Variants in ERCC4 observed in about 807,000 individuals in gnomAD.
ERCC4 encodes the protein DNA repair endonuclease XPF.
A neutral mutation model predicts 76.9 loss-of-function variants in ERCC4; 65 were observed. That is an observed-to-expected ratio of 0.84 (90% confidence interval 0.69 to 1.04). The LOEUF (loss-of-function observed/expected upper bound fraction) is 1.04. ERCC4 is among the 50% of genes least tolerant of loss of function. The pLI, the probability that ERCC4 is intolerant of heterozygous loss-of-function variation, is 0.00. For missense variants in ERCC4, 1,214 were observed against 1,128.2 expected, an observed-to-expected ratio of 1.08 and a Z score of -1.09; for synonymous variants, 463 against 410.1, an observed-to-expected ratio of 1.13 and a Z score of -1.56.
rs1294125274 is a variant in ERCC4 at position 13,951,404 on chromosome 16, A to C, written c.*3057A>C. The C allele has an allele frequency of 1.5e-5, 3 of 201,524 alleles. No homozygotes were observed. Among genetic ancestry groups the C allele is most frequent in the African/African-American group, 6.9e-5 (3 of 43,616 alleles). 12.5% of individuals were successfully genotyped at this position (201,524 alleles called of 1,614,324 possible). ...GGTGAACATATGAGATATTGTGAGA[A>C]ATCATTTTAAGTTTCATTTAAATCA... On this transcript the variant is annotated 3_prime_UTR_variant, in exon 11 of 11. Coordinates refer to ENST00000311895, the MANE Select transcript of ERCC4 (RefSeq NM_005236.3).
intron 5 of ERCC4, 144 bp from the exon 6 acceptor site, chr16:13,932,013 G>A (rs1297822675): frequency 3.9e-6 from 3 of 773,994 alleles, no homozygotes; most frequent in Non-Finnish European, 4.5e-6. Context: ...GCTGAACAGC[G>A]ACAGATCACA....
In ERCC4 at chr16:13,932,210, G is replaced by A. The variant is rs755219554; in HGVS notation, c.1027G>A (p.Val343Ile). ...GATGTTTATAAATGCTCGAGCAAGGGTTTATCATCTTCCAGATGCCAAAAT... is the reference window on the plus strand; with the variant it reads ...GATGTTTATAAATGCTCGAGCAAGGATTTATCATCTTCCAGATGCCAAAAT... ...TSMFINARAR[V>I]YHLPDAKMSK... Residue 343 changes from valine (V) to isoleucine (I), a missense_variant, in exon 6 of 11, where the codon GTT becomes ATT. Transcript: ENST00000311895. 6.2e-7 allele frequency: 1 copy of A among 1,612,720 alleles called. No homozygotes were observed. The highest frequency in any genetic ancestry group is 1.7e-5 in the Admixed American group (1 of 60,012).
chr16:13,943,483 C>T (rs2032453997), intron 9 of ERCC4, among the ~76,000 whole-genome samples: 1 of 152,194 alleles, frequency 6.6e-6, no homozygotes, highest in Non-Finnish European at 1.5e-5. Context: ...AACTCACTCA[C>T]TATCATGAGA....
Position 13,948,252 on chromosome 16 carries a change from A to G in ERCC4, c.2656A>G (p.Ser886Gly), listed in dbSNP as rs2032563240. 6.2e-7 allele frequency: 1 copy of G among 1,614,160 alleles called. No individual in the cohort carries two copies. The highest frequency in any genetic ancestry group is 1.3e-5 in the African/African-American group (1 of 75,058). ...LAALSQDELT[S>G]ILGNAANAKQ... ...AGCCCTGTCACAAGACGAGCTCACG[A>G]GTATTCTGGGGAATGCTGCAAATGC... The change falls in exon 11 of 11, where the codon AGT (serine) becomes GGT (glycine). Residue 886 changes from serine to glycine, a missense_variant. By Grantham distance (56) the Ser-to-Gly change is moderately conservative. Coordinates refer to ENST00000311895, the MANE Select transcript of ERCC4 (RefSeq NM_005236.3).
intron 2 of ERCC4, among the ~76,000 whole-genome samples, chr16:13,923,773 T>C (rs886966101): frequency 5.9e-5 from 9 of 152,228 alleles, no homozygotes; most frequent in African/African-American, 2.2e-4. Flanking sequence ...AAAATTGGCC[T>C]TTTGTAACCA....
At chr16:13,932,089 G>C in intron 5 of ERCC4, 68 bp from the exon 6 acceptor site, 1 of 1,356,816 alleles carries the variant, frequency 7.4e-7, no homozygotes, top group African/African-American at 1.4e-5. Context: ...TAGGTCATGT[G>C]ACCATCAGAG....
intron 5 of ERCC4, 62 bp downstream of exon 5, chr16:13,930,952 G>C: frequency 8.6e-7 from 1 of 1,164,200 alleles, no homozygotes. Context: ...TTAGGTTTTA[G>C]GGGGAATCAG....
intron 9 of ERCC4, among the ~76,000 whole-genome samples, chr16:13,938,638 A>G (rs985802035): frequency 6.6e-6 from 1 of 152,190 alleles, no homozygotes; most frequent in Non-Finnish European, 1.5e-5. Context: ...AGAAAGTTAG[A>G]TCAGCAGAGA....
At chr16:13,920,444 T>C in intron 1 of ERCC4, 72 bp downstream of exon 1, 1 of 1,330,882 alleles carries the variant, frequency 7.5e-7, no homozygotes, top group South Asian at 1.2e-5. Flanking sequence ...ATGCGAGGCC[T>C]CTGACAGGGA....
chr16:13,947,760 A>G lies in ERCC4; in HGVS notation c.2164A>G (p.Met722Val), dbSNP rs754771000. ...TGGAGATTACATCCTCACTCCAGAA[A>G]TGTGCGTGGAGCGCAAGAGTATCAG... ...EVGDYILTPE[M>V]CVERKSISDL... is the part of the protein sequence containing the mutation. The change falls in exon 11 of 11, where the codon ATG becomes GTG. Residue 722 changes from methionine (M) to valine (V), a missense_variant. Met to Val is a conservative substitution (Grantham distance 21). Coordinates refer to ENST00000311895, the MANE Select transcript of ERCC4 (RefSeq NM_005236.3). 1 of 1,614,138 alleles carries G rather than the reference A, an allele frequency of 6.2e-7. No homozygotes were observed. Among genetic ancestry groups the G allele is most frequent in the Non-Finnish European group, 8.5e-7 (1 of 1,180,008 alleles).
intron 4 of ERCC4, among the ~76,000 whole-genome samples, chr16:13,929,399 T>C (rs1244078182): frequency 6.6e-6 from 1 of 152,208 alleles, no homozygotes; most frequent in Non-Finnish European, 1.5e-5. Flanking sequence ...ATCATTTCTT[T>C]TTCCACAAGT....
intron 7 of ERCC4, 114 bp downstream of exon 7, chr16:13,934,416 G>A (rs2032242846): frequency 1.3e-6 from 1 of 761,002 alleles, no homozygotes; most frequent in African/African-American, 1.7e-5. Flanking sequence ...GTGAAACCCT[G>A]TCTCTATTTT....
intron 6 of ERCC4, 182 bp from the exon 7 acceptor site, chr16:13,934,010 C>T (rs949906119): frequency 1.8e-6 from 1 of 542,376 alleles, no homozygotes; most frequent in African/African-American, 1.9e-5. Flanking sequence ...TTTGAAGTAT[C>T]TTTCATTTAC....
chr16:13,941,928 A>G (rs1003622651), intron 9 of ERCC4, among the ~76,000 whole-genome samples: 4 of 152,234 alleles, frequency 2.6e-5, no homozygotes, highest in African/African-American at 7.2e-5. Flanking sequence ...GTATTCAAAT[A>G]ACATTGAAGA....
chr16:13,935,674 A>T lies in ERCC4; in HGVS notation c.1742A>T (p.Tyr581Phe), dbSNP rs1220137706. 1 of 1,614,186 alleles carries T rather than the reference A, an allele frequency of 6.2e-7. No individual in the cohort carries two copies. Among genetic ancestry groups the T allele is most frequent in the Admixed American group, 1.7e-5 (1 of 60,022 alleles). ...GTGGAGCCAAGATACGTGGTTCTTT[A>T]TGACGCAGAGCTAACCTTTGTTCGG... ...HEVEPRYVVL[Y>F]DAELTFVRQL... Residue 581 changes from tyrosine (Y) to phenylalanine (F), a missense_variant, in exon 8 of 11, where the codon TAT becomes TTT. Coordinates refer to ENST00000311895, the MANE Select transcript of ERCC4 (RefSeq NM_005236.3).
chr16:13,951,817 A>G lies in ERCC4; in HGVS notation c.*3470A>G. On this transcript the variant is annotated 3_prime_UTR_variant, in exon 11 of 11. Coordinates refer to ENST00000311895, the MANE Select transcript of ERCC4 (RefSeq NM_005236.3). ...ATAATTTGATTTTCCTTTGGCTCAG[A>G]AAACTCATTTGGGGAAATTCTCTTT... 4.5e-6 allele frequency: 1 copy of G among 222,974 alleles called. No homozygotes were observed. Among genetic ancestry groups the G allele is most frequent in the Non-Finnish European group, 9.0e-6 (1 of 111,706 alleles). The allele number at this position is 222,974 out of a possible 1,614,324, so 13.8% of individuals were successfully genotyped here. A position where few individuals can be genotyped will look rare whatever the true frequency, so the allele number is the denominator to read the frequency against.
rs367595904 is a variant in ERCC4, at chr16:13,935,690, C to G, written c.1758C>G (p.Thr586=). 14 of 1,614,014 alleles carry G rather than the reference C, an allele frequency of 8.7e-6. No homozygotes were observed. The highest frequency in any genetic ancestry group is 1.0e-5 in the Non-Finnish European group (12 of 1,180,032). ...RYVVLYDAEL[T]FVRQLEIYRA... is the part of the protein sequence containing the mutation. ...TGGTTCTTTATGACGCAGAGCTAAC[C>G]TTTGTTCGGCAGCTTGAAATTTACA... is the stretch of plus-strand genomic sequence containing the variant. The change falls in exon 8 of 11, where the codon ACC becomes ACG. Residue 586 remains threonine (T), a synonymous_variant. Transcript: ENST00000311895.
At chr16:13,935,782 C>A in intron 8 of ERCC4, 39 bp downstream of exon 8, 1 of 1,434,096 alleles carries the variant, frequency 7.0e-7, no homozygotes. Context: ...TTGCACAGTT[C>A]TTTAGGATTT....
intron 6 of ERCC4, chr16:13,933,348 C>T (rs3136134): frequency 0.028 from 4,322 of 155,778 alleles, 205 homozygotes; most frequent in African/African-American, 0.099. Context: ...CCGTAAATAT[C>T]ACTAGTTTTT....
Sources: gnomAD v4.1 joint callset for allele counts (sites outside exome capture counted in the v4.1 genomes callset) on GRCh38, gnomAD v4.1.1 for gene constraint, MANE v1.5 for transcripts, NCBI Gene and HGNC (gene_info 2026-07-23, HGNC 2026-07-21) for gene names.